The following AKR1E2 variants were observed in gnomAD, a reference collection of about 807,000 sequenced individuals.
The protein encoded by AKR1E2 is aldo-keto reductase family 1 member E2, also known as 1,5-anhydro-D-fructose reductase.
A neutral mutation model predicts 41.9 loss-of-function variants in AKR1E2; 43 were observed. The observed-to-expected ratio is 1.03, with a 90% CI of 0.80 to 1.32. AKR1E2 has a LOEUF of 1.32. Ranked by LOEUF, AKR1E2 falls within the 40% of genes most tolerant of loss-of-function variation. AKR1E2 has a pLI of 0.00. For missense variants in AKR1E2, 423 were observed against 396.5 expected, an observed-to-expected ratio of 1.07 and a Z score of -0.57; for synonymous variants, 121 against 138.9, an observed-to-expected ratio of 0.87 and a Z score of 0.91.
chr10:4,826,424 C>T, intron 1 of AKR1E2, 61 bp downstream of exon 1: 1 of 1,214,154 alleles, frequency 8.2e-7, no homozygotes, highest in Non-Finnish European at 1.0e-6. Flanking sequence ...CTTGGGGGCG[C>T]CCGATGGGAC....
At chr10:4,842,346 C>T in intron 7 of AKR1E2, 75 bp from the exon 8 acceptor site, 1 of 1,358,266 alleles carries the variant, frequency 7.4e-7, no homozygotes, top group Non-Finnish European at 1.0e-6. Flanking sequence ...CATGATAAAA[C>T]TCACATGTTA....
chr10:4,834,956 G>A (rs1187113242), intron 3 of AKR1E2, among the ~76,000 whole-genome samples: 2 of 152,178 alleles, frequency 1.3e-5, no homozygotes, highest in African/African-American at 2.4e-5. Flanking sequence ...CATGGGATGT[G>A]GCTTTAAAGT....
At chr10:4,858,627 A>G in the AKR1E2 span, among the ~76,000 whole-genome samples, 1 of 152,142 alleles carries the variant, frequency 6.6e-6, no homozygotes, top group Non-Finnish European at 1.5e-5. Flanking sequence ...AAGACTGCCC[A>G]AGACGAGAGG....
downstream of AKR1E2, among the ~76,000 whole-genome samples, chr10:4,849,676 T>G (rs1287737805): frequency 2.6e-5 from 4 of 152,166 alleles, no homozygotes; most frequent in African/African-American, 4.8e-5. Flanking sequence ...TTGGGAGGAA[T>G]GAGTCTCAGC....
intron 8 of AKR1E2, 44 bp downstream of exon 8, chr10:4,842,548 G>A (rs1464026728): frequency 1.3e-6 from 2 of 1,569,972 alleles, no homozygotes; most frequent in Non-Finnish European, 1.8e-6. Context: ...CAGATCATGT[G>A]TTAGATGGGA....
intron 8 of AKR1E2, chr10:4,845,631 G>T: frequency 2.3e-6 from 1 of 436,982 alleles, no homozygotes; most frequent in Non-Finnish European, 4.7e-6. Flanking sequence ...CGAGTGAGCA[G>T]CTCAGCAGGT....
At chr10:4,852,215 G>T (rs1356429318), downstream of AKR1E2, among the ~76,000 whole-genome samples, 1 of 152,120 alleles carries the variant, frequency 6.6e-6, no homozygotes, top group Admixed American at 6.5e-5. Flanking sequence ...TTTACTTCCA[G>T]CCCTGATTTT....
At chr10:4,838,455 TAGAC>T (rs1441395912) in intron 5 of AKR1E2, among the ~76,000 whole-genome samples, 7 of 152,366 alleles carry the variant, frequency 4.6e-5, no homozygotes, top group African/African-American at 1.7e-4. Context: ...AATGGGCACT[TAGAC>T]AGTTTCCAGT....
chr10:4,856,552 T>C, the AKR1E2 span, among the ~76,000 whole-genome samples: 5,040 of 152,316 alleles, frequency 0.033, 130 homozygotes, highest in East Asian at 0.064. Flanking sequence ...AATGCAACAG[T>C]GACAGTTGAC....
chr10:4,858,579 G>C, the AKR1E2 span, among the ~76,000 whole-genome samples: 3 of 152,168 alleles, frequency 2.0e-5, no homozygotes, highest in African/African-American at 7.2e-5. Context: ...GGCCAGGGTG[G>C]TGGAGACATT....
chr10:4,864,516 CA>C, the AKR1E2 span, among the ~76,000 whole-genome samples: 1 of 152,010 alleles, frequency 6.6e-6, no homozygotes, highest in Non-Finnish European at 1.5e-5. Flanking sequence ...ACTGAATGGG[CA>C]AAAACTGGAA....
chr10:4,841,318 C>CA (rs982605126), intron 6 of AKR1E2, among the ~76,000 whole-genome samples: 2 of 152,202 alleles, frequency 1.3e-5, no homozygotes, highest in African/African-American at 4.8e-5. Flanking sequence ...TGACCATCTT[C>CA]AAAACCACTT....
rs370029712 is a variant in AKR1E2, at chr10:4,837,504, G to T, written c.505G>T (p.Val169Leu). Residue 169 changes from valine (V) to leucine (L), a missense_variant, in exon 5 of 10, where the codon GTG (valine) becomes TTG (leucine). Transcript: ENST00000298375. ...VITGLVKNIGVSNFNHEQLER... is the reference protein window; with the variant it reads ...VITGLVKNIGLSNFNHEQLER... ...CACCGGGCTGGTGAAGAACATCGGG[G>T]TGTCAAACTTCAACCATGAACAGCT... 2 of 1,614,162 alleles carry T rather than the reference G, an allele frequency of 1.2e-6. No homozygotes were observed. Among genetic ancestry groups the T allele is most frequent in the Non-Finnish European group, 1.7e-6 (2 of 1,180,020 alleles).
upstream of AKR1E2, among the ~76,000 whole-genome samples, chr10:4,825,241 G>C (rs1832384968): frequency 6.6e-6 from 1 of 152,176 alleles, no homozygotes; most frequent in African/African-American, 2.4e-5. Context: ...CGCCTCCCCT[G>C]ATGGCCAGCA....
chr10:4,853,654 G>A, the AKR1E2 span, among the ~76,000 whole-genome samples: 4 of 152,134 alleles, frequency 2.6e-5, no homozygotes, highest in Non-Finnish European at 5.9e-5. Context: ...TGGAAACATG[G>A]AACAACTGAA....
chr10:4,866,714 C>G, the AKR1E2 span, among the ~76,000 whole-genome samples: 1 of 147,258 alleles, frequency 6.8e-6, no homozygotes, highest in African/African-American at 2.5e-5. Flanking sequence ...CATCTCGGCT[C>G]ACTGCAGGCT....
chr10:4,841,900 C>G (rs770847192), intron 7 of AKR1E2, 43 bp downstream of exon 7: 1 of 1,582,432 alleles, frequency 6.3e-7, no homozygotes, highest in Admixed American at 1.7e-5. Flanking sequence ...GGTTCTCTGA[C>G]CGCTCTACAT....
At chr10:4,827,414 T>C (rs1215998421) in intron 1 of AKR1E2, among the ~76,000 whole-genome samples, 3 of 143,692 alleles carry the variant, frequency 2.1e-5, no homozygotes, top group Non-Finnish European at 4.8e-5. Context: ...TTAAAAGCTG[T>C]GTCTCCTGTG....
downstream of AKR1E2, among the ~76,000 whole-genome samples, chr10:4,849,923 A>AG (rs1257384316): frequency 6.6e-6 from 1 of 152,214 alleles, no homozygotes; most frequent in Non-Finnish European, 1.5e-5. Flanking sequence ...AGACCTCTTC[A>AG]ACTTTGTACA....
Sources: gnomAD v4.1 joint callset for allele counts (sites outside exome capture counted in the v4.1 genomes callset) on GRCh38, gnomAD v4.1.1 for gene constraint, MANE v1.5 for transcripts, NCBI Gene and HGNC (gene_info 2026-07-23, HGNC 2026-07-21) for gene names.